Variants in ADAMTSL3 observed in about 807,000 individuals in gnomAD.
ADAMTSL3 encodes the protein ADAMTS like 3, also known as ADAMTS-like protein 3.
Under a neutral mutation model 201.7 loss-of-function variants are expected in ADAMTSL3, and 128 were observed. The observed-to-expected ratio is 0.63, with a 90% CI of 0.55 to 0.73. The LOEUF (loss-of-function observed/expected upper bound fraction) is 0.73. Among genes scored for constraint, ADAMTSL3 ranks in the 30% least tolerant of loss-of-function variants. The pLI is 0.00. For synonymous variants in ADAMTSL3, 738 were observed against 748.4 expected (o/e 0.99, Z 0.23); for missense variants, 1,990 against 2,119.6 (o/e 0.94, Z 1.20).
At position 83,654,350 on chromosome 15, in the gene ADAMTSL3, T is replaced by G. The variant is rs970640717; in HGVS notation, c.-34+74T>G. ...AGGCGCTCCCCAGAGGGAGTAAGAC[T>G]TGGAGCAGTGGCCTCTCTAAGCAAG... On this transcript the variant is annotated intron_variant, in intron 1 of 29. Transcript: ENST00000286744. The surrounding 1 kb of genome is among the most constrained non-coding windows in gnomAD (Gnocchi z 5.3). 6.6e-6 allele frequency: 1 copy of G among 152,230 alleles called. No homozygotes were observed. The highest frequency in any genetic ancestry group is 2.1e-4 in the South Asian group (1 of 4,828). 9.4% of individuals were successfully genotyped at this position (152,230 alleles called of 1,614,324 possible).
At chr15:83,774,948 A>C (rs911216054) in intron 4 of ADAMTSL3, among the ~76,000 whole-genome samples, 4 of 151,324 alleles carry the variant, frequency 2.6e-5, no homozygotes. Flanking sequence ...CCAGGTTCAC[A>C]CAATTCTTCT....
intron 3 of ADAMTSL3, among the ~76,000 whole-genome samples, chr15:83,709,900 G>A (rs985571583): frequency 6.6e-6 from 1 of 152,116 alleles, no homozygotes; most frequent in South Asian, 2.1e-4. Context: ...CATTAAGCAC[G>A]AGCAGTAGGT....
intron 2 of ADAMTSL3, among the ~76,000 whole-genome samples, chr15:83,660,790 A>T (rs1459397157): frequency 6.6e-6 from 1 of 151,626 alleles, no homozygotes; most frequent in Non-Finnish European, 1.5e-5. Context: ...GTTTAATTAG[A>T]TCCCATTTGT....
intron 3 of ADAMTSL3, among the ~76,000 whole-genome samples, chr15:83,743,519 CA>C (rs759218799): frequency 0.043 from 2,481 of 57,108 alleles, 31 homozygotes; most frequent in African/African-American, 0.12. Context: ...GACTCCGTCT[CA>C]AAAAAAAAAA....
chr15:83,969,176 C>T (rs7166641), intron 19 of ADAMTSL3, among the ~76,000 whole-genome samples: 71,040 of 151,972 alleles, frequency 0.47, 16,928 homozygotes, highest in Middle Eastern at 0.57. Flanking sequence ...CCGGCCGTGG[C>T]TTCTCACGCC....
At chr15:83,748,425 A>T (rs950883015) in intron 3 of ADAMTSL3, among the ~76,000 whole-genome samples, 1 of 152,012 alleles carries the variant, frequency 6.6e-6, no homozygotes, top group African/African-American at 2.4e-5. Context: ...AGGTGGGAGG[A>T]TTCCTTGAGC....
rs1017186582 is a variant in ADAMTSL3, at chr15:84,025,072, C to T, written c.4458-166C>T. ...CTGTTTCTCCCGAGTTAAAGAAGGTCTGAGAAAAAGGCTGGGAGTCATCTG... is the reference window on the plus strand; with the variant it reads ...CTGTTTCTCCCGAGTTAAAGAAGGTTTGAGAAAAAGGCTGGGAGTCATCTG... On this transcript the variant is annotated intron_variant, in intron 26 of 29. Transcript: ENST00000286744. Among the ~76,000 whole-genome samples, 27 of 152,170 alleles carry T rather than the reference C, an allele frequency of 1.8e-4. 1 individual carries two copies. The highest frequency in any genetic ancestry group is 1.5e-3 in the Admixed American group (23 of 15,278).
chr15:83,799,826 C>T (rs1005217089), intron 4 of ADAMTSL3, among the ~76,000 whole-genome samples: 1 of 152,176 alleles, frequency 6.6e-6, no homozygotes, highest in African/African-American at 2.4e-5. Context: ...ACTAATTACA[C>T]TGAAATTAAA....
intron 6 of ADAMTSL3, among the ~76,000 whole-genome samples, chr15:83,823,966 T>C (rs200279852): frequency 0.26 from 16,809 of 64,772 alleles, 2,372 homozygotes; most frequent in African/African-American, 0.4. Flanking sequence ...TTCTTCTTCT[T>C]CTTCTTCTCC....
At chr15:83,742,471 G>C (rs1055608609) in intron 3 of ADAMTSL3, among the ~76,000 whole-genome samples, 1 of 152,016 alleles carries the variant, frequency 6.6e-6, no homozygotes, top group Admixed American at 6.6e-5. Context: ...AACAAAAGCA[G>C]AAATTCAGTT....
intron 23 of ADAMTSL3, among the ~76,000 whole-genome samples, chr15:84,002,817 C>G (rs1389655905): frequency 3.9e-5 from 6 of 152,124 alleles, no homozygotes; most frequent in Admixed American, 3.9e-4. Context: ...ATTCCTGTGA[C>G]CATGGCAGAT....
At chr15:83,823,066 G>C (rs962820233) in intron 6 of ADAMTSL3, among the ~76,000 whole-genome samples, 19 of 150,884 alleles carry the variant, frequency 1.3e-4, no homozygotes, top group Non-Finnish European at 2.5e-4. Flanking sequence ...GTGGCGGCGC[G>C]CGCCTGCAAA....
chr15:83,667,185 T>G (rs939997013), intron 2 of ADAMTSL3, among the ~76,000 whole-genome samples: 16 of 152,138 alleles, frequency 1.1e-4, no homozygotes, highest in African/African-American at 3.9e-4. Flanking sequence ...AATATTTAAA[T>G]CTTTATTTTA....
intron 21 of ADAMTSL3, among the ~76,000 whole-genome samples, chr15:83,986,169 G>A (rs920070039): frequency 1.3e-5 from 2 of 152,060 alleles, no homozygotes; most frequent in African/African-American, 2.4e-5. Context: ...ATAGACTTCT[G>A]GGGGGTTCAT....
At chr15:83,729,215 A>C (rs1439659075) in intron 3 of ADAMTSL3, among the ~76,000 whole-genome samples, 5 of 152,028 alleles carry the variant, frequency 3.3e-5, no homozygotes, top group African/African-American at 1.2e-4. Flanking sequence ...TTGATTATTA[A>C]ATACTTTGTG....
At chr15:83,893,118 A>G (rs563025903) in intron 13 of ADAMTSL3, among the ~76,000 whole-genome samples, 1 of 152,290 alleles carries the variant, frequency 6.6e-6, no homozygotes, top group South Asian at 2.1e-4. Context: ...TAATATTTCC[A>G]TACAATTACC....
chr15:83,678,030 C>CA, intron 2 of ADAMTSL3, among the ~76,000 whole-genome samples: 1 of 151,994 alleles, frequency 6.6e-6, no homozygotes, highest in East Asian at 1.9e-4. Flanking sequence ...CCAACTTTAC[C>CA]ACCTCACTTA....
intron 28 of ADAMTSL3, among the ~76,000 whole-genome samples, chr15:84,035,901 C>A (rs1165708873): frequency 6.6e-6 from 1 of 152,016 alleles, no homozygotes; most frequent in African/African-American, 2.4e-5. Context: ...TGGTTTTTTT[C>A]TATATTTCTG....
At chr15:83,804,733 A>G (rs745720019) in intron 5 of ADAMTSL3, 38 bp downstream of exon 5, 1 of 1,479,614 alleles carries the variant, frequency 6.8e-7, no homozygotes, top group Non-Finnish European at 9.2e-7. Context: ...CCAATACAAT[A>G]TGTGCTTGTT....
Sources: allele counts gnomAD v4.1 joint callset (sites outside exome capture counted in the v4.1 genomes callset), GRCh38; gene constraint gnomAD v4.1.1; non-coding constraint Gnocchi (gnomAD v3.1); transcripts MANE v1.5; gene names NCBI Gene and HGNC (gene_info 2026-07-23, HGNC 2026-07-21).